DOC2B: variants seen among roughly 807,000 people sequenced by gnomAD.
DOC2B encodes double C2-like domain-containing protein beta.
A neutral mutation model predicts 28.9 loss-of-function variants in DOC2B; 21 were observed. The ratio of observed to expected loss-of-function variants is 0.73; its 90% confidence interval spans 0.52 to 1.05. The LOEUF (loss-of-function observed/expected upper bound fraction) is 1.05. Ranked by LOEUF, DOC2B falls within the 50% of genes least tolerant of loss-of-function variation. DOC2B has a pLI of 0.00. For missense variants in DOC2B, 384 were observed against 421.1 expected, an observed-to-expected ratio of 0.91 and a Z score of 0.77; for synonymous variants, 194 against 178.1, an observed-to-expected ratio of 1.09 and a Z score of -0.71.
intron 5 of DOC2B, among the ~76,000 whole-genome samples, chr17:158,269 C>A (rs1033785887): frequency 6.6e-6 from 1 of 152,128 alleles, no homozygotes; most frequent in Non-Finnish European, 1.5e-5. Context: ...CCTCAGCCCC[C>A]CCAGACAAAC....
chr17:155,401 G>C (rs1219677069), intron 6 of DOC2B, among the ~76,000 whole-genome samples: 1 of 152,076 alleles, frequency 6.6e-6, no homozygotes, highest in Non-Finnish European at 1.5e-5. Flanking sequence ...ATGTCCCTGA[G>C]GCCTTAGTCA....
At chr17:155,395 C>A (rs1291405286) in intron 6 of DOC2B, among the ~76,000 whole-genome samples, 7 of 152,148 alleles carry the variant, frequency 4.6e-5, no homozygotes, top group Non-Finnish European at 7.3e-5. Flanking sequence ...GCCAAGATGT[C>A]CCTGAGGCCT....
chr17:159,651 C>T (rs528611939), intron 5 of DOC2B, among the ~76,000 whole-genome samples: 1 of 152,048 alleles, frequency 6.6e-6, no homozygotes, highest in Non-Finnish European at 1.5e-5. Flanking sequence ...AAAGTACCAC[C>T]AGAATGTGGC....
intron 6 of DOC2B, among the ~76,000 whole-genome samples, chr17:149,558 CT>C (rs1331274192): frequency 3.2e-4 from 48 of 147,792 alleles, no homozygotes; most frequent in African/African-American, 7.9e-4. Flanking sequence ...GTTCAAACTT[CT>C]TTTTTTTTTT....
At chr17:162,028 C>A (rs1294447025) in intron 4 of DOC2B, 53 bp downstream of exon 4, 1 of 1,294,838 alleles carries the variant, frequency 7.7e-7, no homozygotes, top group Non-Finnish European at 1.1e-6. Flanking sequence ...TAGGAAAAGC[C>A]GGGTGGGAGT....
chr17:152,789 T>G (rs778192204), intron 6 of DOC2B, among the ~76,000 whole-genome samples: 8 of 151,774 alleles, frequency 5.3e-5, no homozygotes, highest in Non-Finnish European at 1.0e-4. Flanking sequence ...AAGGAAGAAA[T>G]AAAGAAAACA....
intron 2 of DOC2B, 108 bp from the exon 3 acceptor site, chr17:164,312 C>T: frequency 1.2e-6 from 1 of 853,240 alleles, no homozygotes; most frequent in Middle Eastern, 2.5e-4. Context: ...CCATTCATGG[C>T]CCCTTTCACA....
At chr17:147,711 G>C in intron 8 of DOC2B, 134 bp from the exon 9 acceptor site, 1 of 398,238 alleles carries the variant, frequency 2.5e-6, no homozygotes, top group South Asian at 1.3e-4. Flanking sequence ...GCATGAACAG[G>C]ACCTGACCTC....
intron 5 of DOC2B, among the ~76,000 whole-genome samples, chr17:159,650 C>A (rs899742069): frequency 6.6e-6 from 1 of 152,078 alleles, no homozygotes; most frequent in African/African-American, 2.4e-5. Context: ...AAAAGTACCA[C>A]CAGAATGTGG....
intron 7 of DOC2B, 142 bp from the exon 8 acceptor site, chr17:148,411 C>G (rs1049728273): frequency 3.8e-5 from 15 of 396,842 alleles, no homozygotes; most frequent in Non-Finnish European, 6.2e-5. Flanking sequence ...GCTCACATGT[C>G]TCGCCCACTT....
At chr17:178,137 G>A (rs2040391339) in intron 1 of DOC2B, among the ~76,000 whole-genome samples, 1 of 152,264 alleles carries the variant, frequency 6.6e-6, no homozygotes, top group South Asian at 2.1e-4. Context: ...CCTTGGACCT[G>A]AGGGTCCTGC....
chr17:180,556 T>C (rs139455937), intron 1 of DOC2B, among the ~76,000 whole-genome samples: 8,135 of 152,134 alleles, frequency 0.053, 306 homozygotes, highest in Middle Eastern at 0.13. Flanking sequence ...CCTGGTCCTC[T>C]GCTCGCGCGC....
At chr17:162,044 T>C (rs1170022095) in intron 4 of DOC2B, 37 bp downstream of exon 4, 10 of 1,418,748 alleles carry the variant, frequency 7.0e-6, no homozygotes, top group Non-Finnish European at 9.7e-6. Flanking sequence ...GGAGTAGGGG[T>C]TGGGGAGGGA....
Position 181,191 on chromosome 17 carries a change from TG to T in DOC2B, c.288del (p.Ser97AlafsTer57), listed in dbSNP as rs1209815122. 2 of 1,240,588 alleles carry T rather than the reference TG, an allele frequency of 1.6e-6. No homozygotes were observed. Among genetic ancestry groups the T allele is most frequent in the Non-Finnish European group, 1.0e-6 (1 of 992,800 alleles). 76.8% of individuals were successfully genotyped at this position (1,240,588 alleles called of 1,614,324 possible). ...GGCCGCGCGGGGCTGGGACCCGGGC[TG>T]GGGCCCGGGCTGGAGCCGTAGGCTC... ...LFGAYGSSPG[P>X]SPGPSPARPP... On this transcript the variant is annotated frameshift_variant, in exon 1 of 9. Coordinates refer to ENST00000613549, the MANE Select transcript of DOC2B (RefSeq NM_003585.5). LOFTEE classifies it high-confidence loss of function. This position sits in a 1 kb window ranked among gnomAD's most constrained non-coding sequence, Gnocchi z 7.0.
At chr17:172,493 G>A in intron 2 of DOC2B, 44 bp downstream of exon 2, 2 of 1,519,116 alleles carry the variant, frequency 1.3e-6, no homozygotes, top group Non-Finnish European at 1.8e-6. Flanking sequence ...GCCCTCTTGA[G>A]GACCCCGGGG....
At chr17:153,234 A>G (rs1165222370) in intron 6 of DOC2B, among the ~76,000 whole-genome samples, 6 of 152,196 alleles carry the variant, frequency 3.9e-5, no homozygotes, top group Admixed American at 3.9e-4. Flanking sequence ...CACCTGTGGC[A>G]GGGAGGAGCT....
chr17:178,276 C>T (rs2040392510), intron 1 of DOC2B, among the ~76,000 whole-genome samples: 1 of 152,226 alleles, frequency 6.6e-6, no homozygotes, highest in Admixed American at 6.5e-5. Flanking sequence ...CAGCCACGAG[C>T]AAAGATGGAC....
At chr17:169,693 G>T (rs2040289718) in intron 2 of DOC2B, among the ~76,000 whole-genome samples, 1 of 151,980 alleles carries the variant, frequency 6.6e-6, no homozygotes, top group African/African-American at 2.4e-5. Context: ...CCTTATAAGG[G>T]GGGACAAGCA....
At position 173,537 on chromosome 17, in the gene DOC2B, G is replaced by A. The variant is rs142576290; in HGVS notation, c.374-921C>T. On this transcript the variant is annotated intron_variant, in intron 1 of 8. Transcript: ENST00000613549. ...TACAACATGCCAGACTCTAGGGGAT[G>A]GACATCTGTGAGGCAGAGTCCCTAT... Among the ~76,000 whole-genome samples, 245 of 152,334 alleles carry A rather than the reference G, an allele frequency of 1.6e-3. 1 individual carries two copies. Among genetic ancestry groups the A allele is most frequent in the African/African-American group, 5.7e-3 (236 of 41,576 alleles).
Sources: gnomAD v4.1 joint callset for allele counts (sites outside exome capture counted in the v4.1 genomes callset) on GRCh38, gnomAD v4.1.1 for gene constraint, Gnocchi (gnomAD v3.1) non-coding constraint, MANE v1.5 for transcripts, NCBI Gene and HGNC (gene_info 2026-07-23, HGNC 2026-07-21) for gene names.